SCUBE2: variants seen among roughly 807,000 people sequenced by gnomAD.
The protein encoded by SCUBE2 is signal peptide, CUB and EGF-like domain-containing protein 2.
A neutral mutation model predicts 125.9 loss-of-function variants in SCUBE2; 114 were observed. The observed-to-expected ratio is 0.91, with a 90% CI of 0.78 to 1.06. SCUBE2 has a LOEUF of 1.06. SCUBE2 is among the 50% of genes least tolerant of loss of function. SCUBE2 has a pLI of 0.00. For synonymous variants in SCUBE2, 459 were observed against 492.9 expected, an observed-to-expected ratio of 0.93 and a Z score of 0.91; for missense variants, 1,255 against 1,301.8, an observed-to-expected ratio of 0.96 and a Z score of 0.55.
chr11:9,024,456 G>A lies in SCUBE2; in HGVS notation c.2854+1246C>T, dbSNP rs772246752. 4.0e-6 allele frequency: 5 copies of A among 1,250,712 alleles called. No individual in the cohort carries two copies. In the South Asian group the frequency reaches 5.0e-5, roughly 13 times the overall value. The allele number at this position is 1,250,712 out of a possible 1,614,324, so 77.5% of individuals were successfully genotyped here. A position where few individuals can be genotyped will look rare whatever the true frequency, so the allele number is the denominator to read the frequency against. The stretch of plus-strand genomic sequence containing the variant: ...TGATCCGTGCTTTTGTTACTTTTTA[G>A]GAAAGCCATAGAATATTGTCTTCCC... On this transcript the variant is annotated intron_variant, in intron 21 of 22. Transcript: ENST00000649792.
At position 9,027,555 on chromosome 11, in the gene SCUBE2, C is replaced by A. The variant is rs1423648229; in HGVS notation, c.2510G>T (p.Arg837Ile). ...STNITQCKNR[R>I]CGGELGDFTG... ...GAAATCTCCCAGCTCCCCTCCACAT[C>A]TTCTGTCTGAAAAAGGAGATGCCCC... Residue 837 changes from arginine to isoleucine, a missense_variant, in exon 20 of 23, where the codon AGA becomes ATA. Physicochemically the swap from Arg to Ile is moderately conservative, Grantham distance 97 (BLOSUM62 -3). Coordinates refer to ENST00000649792, the MANE Select transcript of SCUBE2 (RefSeq NM_001367977.2). 1 of 1,612,872 alleles carries A rather than the reference C, an allele frequency of 6.2e-7. No individual in the cohort carries two copies. The highest frequency in any genetic ancestry group is 1.1e-5 in the South Asian group (1 of 90,906).
In SCUBE2 at chr11:9,029,942, A is replaced by G; in HGVS notation, c.2445T>C (p.Ser815=). 6.2e-7 allele frequency: 1 copy of G among 1,614,244 alleles called. No individual in the cohort carries two copies. Among genetic ancestry groups the G allele is most frequent in the South Asian group, 1.1e-5 (1 of 91,088 alleles). The part of the protein sequence containing the change: ...QPEFGKNNCV[S]CPGNTTTDFD... ...AGTCAGTCGTAGTATTTCCTGGGCA[A>G]GAAACACAATTATTTTTTCCAAATT... Residue 815 remains serine, a synonymous_variant, in exon 19 of 23, where the codon TCT becomes TCC. Coordinates refer to ENST00000649792, the MANE Select transcript of SCUBE2 (RefSeq NM_001367977.2).
At chr11:9,045,681 T>C (rs1461964813) in intron 16 of SCUBE2, among the ~76,000 whole-genome samples, 1 of 151,434 alleles carries the variant, frequency 6.6e-6, no homozygotes, top group East Asian at 1.9e-4. Context: ...CATGCTGCCT[T>C]CTGGATAAAA....
chr11:9,038,562 C>T (rs925692520), intron 16 of SCUBE2, among the ~76,000 whole-genome samples: 1 of 152,124 alleles, frequency 6.6e-6, no homozygotes, highest in Admixed American at 6.6e-5. Context: ...TTGCAATGAG[C>T]CAAAATCACA....
In SCUBE2 at chr11:9,053,719, C is replaced by T. The variant is rs757771275; in HGVS notation, c.1248G>A (p.Gln416=). The T allele has an allele frequency of 6.8e-6, 11 of 1,614,064 alleles. No individual in the cohort carries two copies. The East Asian group carries it at 2.5e-4, about 36-fold the overall frequency. ...ECSINNGGCQ[Q]VCVNTVGSYE... is the part of the protein sequence containing the mutation. ...AGCTGCCCACTGTGTTCACACAGAC[C>T]TGCTGACAGCCTCCGTTGTTGATGC... The change falls in exon 11 of 23, where the codon CAG becomes CAA. Residue 416 remains glutamine (Q), a synonymous_variant. Coordinates refer to ENST00000649792, the MANE Select transcript of SCUBE2 (RefSeq NM_001367977.2).
At chr11:9,088,742 T>A (rs1001263902) in intron 2 of SCUBE2, among the ~76,000 whole-genome samples, 1 of 152,244 alleles carries the variant, frequency 6.6e-6, no homozygotes, top group African/African-American at 2.4e-5. Flanking sequence ...ATGAGTTCAG[T>A]GCTCCTCATC....
At chr11:9,080,903 A>C (rs1197069683) in intron 2 of SCUBE2, among the ~76,000 whole-genome samples, 8 of 152,236 alleles carry the variant, frequency 5.3e-5, no homozygotes, top group Non-Finnish European at 1.2e-4. Context: ...ATAAGAAGAT[A>C]AACAGCCTAA....
In SCUBE2 at chr11:9,055,917, G is replaced by C; in HGVS notation, c.1091-8C>G. On this transcript the variant is annotated splice_region_variant and splice_polypyrimidine_tract_variant and intron_variant, in intron 9 of 22. Transcript: ENST00000649792. ...AAGAGCACTCATCCACATCTGTAAT[G>C]GTCAAAGGGAGAGGGGAGCTGAAAC... The C allele has an allele frequency of 6.2e-7, 1 of 1,610,288 alleles. No individual in the cohort carries two copies. Among genetic ancestry groups the C allele is most frequent in the Non-Finnish European group, 8.5e-7 (1 of 1,176,490 alleles).
intron 13 of SCUBE2, 95 bp downstream of exon 13, chr11:9,052,651 A>G: frequency 1.0e-6 from 1 of 960,704 alleles, no homozygotes; most frequent in Non-Finnish European, 1.5e-6. Context: ...ATTAACAGAA[A>G]AAAAACAAAG....
intron 5 of SCUBE2, among the ~76,000 whole-genome samples, chr11:9,068,153 A>ATT (rs1457936362): frequency 1.6e-3 from 238 of 152,304 alleles, no homozygotes; most frequent in African/African-American, 5.5e-3. Flanking sequence ...GTCCCTCACC[A>ATT]GTGAAACTGT....
At chr11:9,050,769 G>A in intron 13 of SCUBE2, 59 bp from the exon 14 acceptor site, 1 of 1,334,388 alleles carries the variant, frequency 7.5e-7, no homozygotes, top group Admixed American at 1.7e-5. Context: ...GGAGACACCA[G>A]ATGGGAAGCA....
intron 13 of SCUBE2, among the ~76,000 whole-genome samples, chr11:9,051,241 T>TACCTAC (rs1566200880): frequency 7.1e-5 from 7 of 98,816 alleles, no homozygotes; most frequent in South Asian, 4.7e-4. Context: ...TACCTACCTA[T>TACCTAC]CTATCTATCT....
intron 13 of SCUBE2, among the ~76,000 whole-genome samples, chr11:9,051,225 T>TCTATCTATCTACCTACCTAC (rs755617422): frequency 1.5e-3 from 197 of 132,398 alleles, no homozygotes; most frequent in Non-Finnish European, 2.6e-3. Flanking sequence ...TATCTATCTA[T>TCTATCTATCTACCTACCTAC]CTACCTACCT....
At chr11:9,045,521 C>T (rs1857612867) in intron 16 of SCUBE2, among the ~76,000 whole-genome samples, 1 of 151,632 alleles carries the variant, frequency 6.6e-6, no homozygotes, top group Non-Finnish European at 1.5e-5. Context: ...CTCCACTGTA[C>T]CATCCAGAGC....
At chr11:9,074,182 C>T (rs1334693361) in intron 4 of SCUBE2, among the ~76,000 whole-genome samples, 3 of 152,186 alleles carry the variant, frequency 2.0e-5, no homozygotes, top group Non-Finnish European at 4.4e-5. Flanking sequence ...CACTATATTG[C>T]TCCTGAGACA....
chr11:9,040,084 C>T (rs1344150261), intron 16 of SCUBE2, among the ~76,000 whole-genome samples: 1 of 152,148 alleles, frequency 6.6e-6, no homozygotes, highest in Admixed American at 6.5e-5. Flanking sequence ...CCCGTGGGTG[C>T]ATCTTCTGCT....
chr11:9,055,641 G>C (rs1242254801), intron 10 of SCUBE2, 152 bp downstream of exon 10: 2 of 674,224 alleles, frequency 3.0e-6, no homozygotes, highest in Non-Finnish European at 5.4e-6. Flanking sequence ...AGCAGATCCT[G>C]CTCTCAAGTT....
At chr11:9,058,865 T>C (rs1859378711) in intron 9 of SCUBE2, among the ~76,000 whole-genome samples, 1 of 152,178 alleles carries the variant, frequency 6.6e-6, no homozygotes, top group South Asian at 2.1e-4. Context: ...ATCTTGATCA[T>C]GGGTTAACTC....
At chr11:9,077,632 C>A (rs946006501) in intron 3 of SCUBE2, among the ~76,000 whole-genome samples, 1 of 152,210 alleles carries the variant, frequency 6.6e-6, no homozygotes, top group African/African-American at 2.4e-5. Context: ...CCTTTCAAAT[C>A]TGAATGTTGG....
Sources: allele counts gnomAD v4.1 joint callset (sites outside exome capture counted in the v4.1 genomes callset), GRCh38; gene constraint gnomAD v4.1.1; transcripts MANE v1.5; gene names NCBI Gene and HGNC (gene_info 2026-07-23, HGNC 2026-07-21).